Variants in DLGAP2 observed in about 807,000 individuals in gnomAD.
DLGAP2 encodes the protein DLG associated protein 2.
DLGAP2 carries 26 observed loss-of-function variants against 100.3 expected under a neutral mutation model. That is an observed-to-expected ratio of 0.26 (90% CI 0.19 to 0.36). The LOEUF (loss-of-function observed/expected upper bound fraction) is 0.36. Among genes scored for constraint, DLGAP2 ranks in the 10% least tolerant of loss-of-function variants. The pLI, the probability that DLGAP2 is intolerant of heterozygous loss-of-function variation, is 1.00. For synonymous variants in DLGAP2, 886 were observed against 630.1 expected (o/e 1.41, Z -6.08); for missense variants, 1,858 against 1,453.2 (o/e 1.28, Z -4.53).
chr8:1,075,149 G>C (rs999936591), intron 2 of DLGAP2, among the ~76,000 whole-genome samples: 16 of 152,206 alleles, frequency 1.1e-4, no homozygotes, highest in Admixed American at 1.3e-4. Context: ...CACCACTTGG[G>C]GCTGAGACAA....
rs183270424 is a variant in DLGAP2, at chr8:1,505,828, C to T, written c.172+4397C>T. Reference sequence around the variant, plus strand: ...TAAGAATGGCATTTTTTCATTTTCCCGAATGTTATATTTAAATCAGCTGTA... The same window carrying T: ...TAAGAATGGCATTTTTTCATTTTCCTGAATGTTATATTTAAATCAGCTGTA... On this transcript the variant is annotated intron_variant, in intron 4 of 14. Transcript: ENST00000637795. Among the ~76,000 whole-genome samples, 581 of 152,040 alleles carry T rather than the reference C, an allele frequency of 3.8e-3. 5 individuals are homozygous for T. Among genetic ancestry groups the T allele is most frequent in the South Asian group, 0.023 (110 of 4,820 alleles).
At chr8:1,469,461 C>G (rs940889314) in intron 3 of DLGAP2, among the ~76,000 whole-genome samples, 1 of 152,256 alleles carries the variant, frequency 6.6e-6, no homozygotes, top group Non-Finnish European at 1.5e-5. Flanking sequence ...CCCTCTCTGC[C>G]ATTTCCTGTG....
At chr8:892,874 C>G (rs1798064867) in intron 1 of DLGAP2, 1 of 152,234 alleles carries the variant, frequency 6.6e-6, no homozygotes, top group South Asian at 2.1e-4. Context: ...AGTTTCTAAG[C>G]ATCCCTAGCC....
At chr8:794,171 G>A (rs544846508) in intron 1 of DLGAP2, among the ~76,000 whole-genome samples, 17 of 148,792 alleles carry the variant, frequency 1.1e-4, no homozygotes, top group African/African-American at 4.2e-4. Context: ...GTGAGGTTGG[G>A]ATGAGCTGTT....
intron 3 of DLGAP2, among the ~76,000 whole-genome samples, chr8:1,458,436 A>G (rs940828649): frequency 2.0e-5 from 3 of 152,154 alleles, no homozygotes; most frequent in African/African-American, 7.2e-5. Context: ...GAGTCAGATG[A>G]GATGACTGAT....
At chr8:1,520,660 T>C (rs1368779971) in intron 4 of DLGAP2, among the ~76,000 whole-genome samples, 2 of 152,184 alleles carry the variant, frequency 1.3e-5, no homozygotes, top group Non-Finnish European at 2.9e-5. Flanking sequence ...TTTTCCAGAA[T>C]GACCCATGGA....
chr8:807,070 T>C (rs1796284473), intron 1 of DLGAP2, among the ~76,000 whole-genome samples: 1 of 152,242 alleles, frequency 6.6e-6, no homozygotes, highest in South Asian at 2.1e-4. Context: ...CAGCCACTGC[T>C]GCAGAGGTCA....
chr8:1,504,182 G>A (rs1284021448), intron 4 of DLGAP2, among the ~76,000 whole-genome samples: 4 of 151,138 alleles, frequency 2.6e-5, no homozygotes, highest in East Asian at 3.9e-4. Flanking sequence ...GGCCATTGTC[G>A]TCTTTAAAAG....
intron 1 of DLGAP2, among the ~76,000 whole-genome samples, chr8:905,227 T>G (rs1798353784): frequency 6.6e-6 from 1 of 152,122 alleles, no homozygotes; most frequent in Admixed American, 6.5e-5. Flanking sequence ...GCACTGTGTT[T>G]GTGGGACCAT....
intron 2 of DLGAP2, among the ~76,000 whole-genome samples, chr8:1,028,941 C>A (rs917196862): frequency 6.6e-6 from 1 of 152,116 alleles, no homozygotes; most frequent in Non-Finnish European, 1.5e-5. Context: ...GCAGCCAGGG[C>A]AGGAGGGACG....
Position 1,285,762 on chromosome 8 carries a change from A to G in DLGAP2, c.106+26879A>G, listed in dbSNP as rs1799909008. Among the ~76,000 whole-genome samples the G allele has an allele frequency of 2.6e-5, 4 of 152,210 alleles. No individual in the cohort carries two copies. The South Asian group carries it at 8.3e-4, about 32-fold the overall frequency. On this transcript the variant is annotated intron_variant, in intron 3 of 14. Transcript: ENST00000637795. ...CACAGGAGGATTGCTTAAGCCCAGGAGTTCAAGACCAGGCTGGGCAACATA... is the reference window on the plus strand; with the variant it reads ...CACAGGAGGATTGCTTAAGCCCAGGGGTTCAAGACCAGGCTGGGCAACATA...
At chr8:1,634,785 G>A (rs1273677443) in intron 8 of DLGAP2, among the ~76,000 whole-genome samples, 1 of 152,152 alleles carries the variant, frequency 6.6e-6, no homozygotes, top group African/African-American at 2.4e-5. Flanking sequence ...TGTCATTATA[G>A]AGAGAATAAA....
intron 8 of DLGAP2, among the ~76,000 whole-genome samples, chr8:1,636,041 G>A (rs1229684703): frequency 6.6e-6 from 1 of 152,182 alleles, no homozygotes; most frequent in Non-Finnish European, 1.5e-5. Flanking sequence ...CTCTCATTAT[G>A]AAAAACACTG....
At position 1,557,283 on chromosome 8, in the gene DLGAP2, G is replaced by A. The variant is rs146027357; in HGVS notation, c.1230+7600G>A. On this transcript the variant is annotated intron_variant, in intron 5 of 14. Coordinates refer to ENST00000637795, the MANE Select transcript of DLGAP2 (RefSeq NM_001346810.2). The stretch of plus-strand genomic sequence containing the variant: ...GAACCTTCTCACAAGCTGTGCAGCC[G>A]GGGGGCTCACAATAGGGGCTTTCCA... Among the ~76,000 whole-genome samples, 471 of 152,224 alleles carry A rather than the reference G, an allele frequency of 3.1e-3. 3 individuals carry two copies. The highest frequency in any genetic ancestry group is 4.1e-3 in the Non-Finnish European group (276 of 68,018).
chr8:1,455,929 A>G lies in DLGAP2; in HGVS notation c.107-45437A>G, dbSNP rs146335304. On this transcript the variant is annotated intron_variant, in intron 3 of 14. Coordinates refer to ENST00000637795, the MANE Select transcript of DLGAP2 (RefSeq NM_001346810.2). ...CACGAAATCAATCAACATGACTGAG[A>G]GGCTGGATCCGAGGCCCCCAGCATG... 3.0e-3 allele frequency among the ~76,000 whole-genome samples: 461 copies of G among 152,308 alleles called. 1 individual carries two copies. The highest frequency in any genetic ancestry group is 0.01 in the African/African-American group (418 of 41,552).
chr8:1,310,997 G>A (rs1014579596), intron 3 of DLGAP2, among the ~76,000 whole-genome samples: 1 of 151,864 alleles, frequency 6.6e-6, no homozygotes, highest in African/African-American at 2.4e-5. Flanking sequence ...ACTGAAGTCA[G>A]TTGATTGAAA....
intron 4 of DLGAP2, among the ~76,000 whole-genome samples, chr8:1,547,351 G>T (rs567424107): frequency 3.3e-5 from 5 of 152,230 alleles, no homozygotes; most frequent in Admixed American, 2.6e-4. Flanking sequence ...TCCCCTAAAA[G>T]TTGGTGGATG....
At position 1,204,280 on chromosome 8, in the gene DLGAP2, C is replaced by T. The variant is rs183098192; in HGVS notation, c.74-54571C>T. On this transcript the variant is annotated intron_variant, in intron 2 of 14. Coordinates refer to ENST00000637795, the MANE Select transcript of DLGAP2 (RefSeq NM_001346810.2). ...GAGATTGAAACTAAACAGGATGAGA[C>T]AATCTCATCATCTTCTGAGATCGGA... 1.1e-4 allele frequency among the ~76,000 whole-genome samples: 16 copies of T among 152,338 alleles called. No individual in the cohort carries two copies. In the East Asian group the frequency reaches 1.5e-3, roughly 15 times the overall value.
chr8:1,303,801 G>T (rs1175929427), intron 3 of DLGAP2, among the ~76,000 whole-genome samples: 1 of 152,160 alleles, frequency 6.6e-6, no homozygotes, highest in Admixed American at 6.5e-5. Flanking sequence ...TGCTCGTCCA[G>T]CCCTGCGCTG....
Sources: allele counts gnomAD v4.1 joint callset (sites outside exome capture counted in the v4.1 genomes callset), GRCh38; gene constraint gnomAD v4.1.1; transcripts MANE v1.5; gene names NCBI Gene and HGNC (gene_info 2026-07-23, HGNC 2026-07-21).